Variants in GRIK1 observed in about 807,000 individuals in gnomAD.
GRIK1 encodes the protein glutamate ionotropic receptor kainate type subunit 1.
A neutral mutation model predicts 105.7 loss-of-function variants in GRIK1; 69 were observed. That is an observed-to-expected ratio of 0.65 (90% CI 0.54 to 0.80). The LOEUF (loss-of-function observed/expected upper bound fraction) is 0.80, where lower values mean the gene tolerates loss of function less well. Ranked by LOEUF, GRIK1 falls within the 30% of genes least tolerant of loss-of-function variation. The probability of loss-of-function intolerance (pLI) is 0.00; values close to 1 mark genes in which losing one functional copy is unlikely to be tolerated. For missense variants in GRIK1, 1,109 were observed against 1,167.3 expected (o/e 0.95, Z 0.73); for synonymous variants, 438 against 431.3 (o/e 1.02, Z -0.19).
intron 1 of GRIK1, among the ~76,000 whole-genome samples, chr21:29,791,537 A>C (rs1011875800): frequency 1.3e-5 from 2 of 152,180 alleles, no homozygotes; most frequent in Non-Finnish European, 2.9e-5. Context: ...AGTATAGTTT[A>C]GGTAGTTCAA....
chr21:29,892,641 G>A (rs150658644), intron 1 of GRIK1, among the ~76,000 whole-genome samples: 60 of 152,260 alleles, frequency 3.9e-4, no homozygotes, highest in African/African-American at 1.4e-3. Context: ...ATGAAGAAAC[G>A]CTATTGGGAC....
chr21:29,800,881 A>C (rs1037744036), intron 1 of GRIK1, among the ~76,000 whole-genome samples: 1 of 152,172 alleles, frequency 6.6e-6, no homozygotes, highest in Non-Finnish European at 1.5e-5. Context: ...TGAGTGCCTG[A>C]GGACAGGGTG....
intron 1 of GRIK1, among the ~76,000 whole-genome samples, chr21:29,790,411 T>A (rs1318787568): frequency 6.6e-6 from 1 of 152,028 alleles, no homozygotes. Context: ...ATGATACAGG[T>A]TAAGATGTTA....
At chr21:29,706,684 A>G (rs943884086) in intron 1 of GRIK1, among the ~76,000 whole-genome samples, 1 of 152,260 alleles carries the variant, frequency 6.6e-6, no homozygotes, top group African/African-American at 2.4e-5. Flanking sequence ...TGGTTGATTG[A>G]AAATAAAGGA....
intron 1 of GRIK1, among the ~76,000 whole-genome samples, chr21:29,891,426 A>G (rs2069894266): frequency 6.6e-6 from 1 of 152,208 alleles, no homozygotes; most frequent in Admixed American, 6.5e-5. Context: ...ATTTCATTCC[A>G]TTATAATCAC....
chr21:29,540,970 ATT>A (rs3054285), intron 16 of GRIK1, among the ~76,000 whole-genome samples: 66,231 of 134,408 alleles, frequency 0.49, 16,797 homozygotes, highest in East Asian at 0.6. Context: ...CTTGCACTTG[ATT>A]TTTTTTTTTT....
intron 9 of GRIK1, among the ~76,000 whole-genome samples, chr21:29,592,260 G>A (rs183234086): frequency 2.0e-5 from 3 of 152,226 alleles, no homozygotes; most frequent in Admixed American, 2.0e-4. Flanking sequence ...TGTCTTGTCT[G>A]TCCACTTGAT....
intron 3 of GRIK1, among the ~76,000 whole-genome samples, chr21:29,676,563 C>T (rs2063271004): frequency 6.6e-6 from 1 of 152,176 alleles, no homozygotes. Context: ...CAACACCTAG[C>T]TTTGCTAATC....
At chr21:29,624,676 T>C (rs543153026) in intron 7 of GRIK1, among the ~76,000 whole-genome samples, 1 of 152,366 alleles carries the variant, frequency 6.6e-6, no homozygotes, top group African/African-American at 2.4e-5. Context: ...AAGCTGCACA[T>C]AGAGGAAGTC....
intron 1 of GRIK1, among the ~76,000 whole-genome samples, chr21:29,699,999 A>G (rs2063782718): frequency 6.6e-6 from 1 of 152,164 alleles, no homozygotes; most frequent in Non-Finnish European, 1.5e-5. Context: ...AATAATTTTA[A>G]AGGAACTCAC....
At chr21:29,625,879 A>T (rs1205226413) in intron 7 of GRIK1, among the ~76,000 whole-genome samples, 2 of 152,082 alleles carry the variant, frequency 1.3e-5, no homozygotes, top group East Asian at 3.9e-4. Context: ...AAATGGTTGT[A>T]CCCCTGAAGA....
chr21:29,690,995 T>C (rs149934071), intron 2 of GRIK1, among the ~76,000 whole-genome samples: 5 of 152,316 alleles, frequency 3.3e-5, no homozygotes, highest in South Asian at 2.1e-4. Context: ...GACCATTTCA[T>C]AGGTGTGTCA....
In GRIK1 at chr21:29,692,255, G is replaced by T. The variant is rs188991178; in HGVS notation, c.286+1641C>A. On this transcript the variant is annotated intron_variant, in intron 2 of 17. Transcript: ENST00000327783. Reference sequence around the variant, plus strand: ...AGCTTTCGATTTTTATGTGGCTAGAGTTCCATTGCTAAATGTGGTTGGCTT... The same window carrying T: ...AGCTTTCGATTTTTATGTGGCTAGATTTCCATTGCTAAATGTGGTTGGCTT... 2.9e-3 allele frequency among the ~76,000 whole-genome samples: 449 copies of T among 152,294 alleles called. 5 individuals carry two copies. The highest frequency in any genetic ancestry group is 0.01 in the African/African-American group (430 of 41,566).
intron 15 of GRIK1, among the ~76,000 whole-genome samples, chr21:29,560,338 TC>T (rs2090378756): frequency 5.0e-5 from 6 of 120,140 alleles, no homozygotes; most frequent in African/African-American, 1.7e-4. Context: ...TTTCTTTCTT[TC>T]TTTCTTTCTT....
At chr21:29,877,096 T>C (rs919279803) in intron 1 of GRIK1, among the ~76,000 whole-genome samples, 3 of 152,224 alleles carry the variant, frequency 2.0e-5, no homozygotes, top group Non-Finnish European at 4.4e-5. Flanking sequence ...TAGAAATCTG[T>C]ATCTCCATAT....
rs576576081 is a variant in GRIK1 at position 29,731,493 on chromosome 21, A to T, written c.119-37430T>A. Among the ~76,000 whole-genome samples, 4 of 152,302 alleles carry T rather than the reference A, an allele frequency of 2.6e-5. No individual in the cohort carries two copies. The East Asian group carries it at 7.7e-4, about 29-fold the overall frequency. ...AAATTCTTCAAATAAATGCTTCAAG[A>T]TCTTGATACCACTTGCTTAAAATTT... On this transcript the variant is annotated intron_variant, in intron 1 of 17. Coordinates refer to ENST00000327783, the MANE Select transcript of GRIK1 (RefSeq NM_001330994.2).
At chr21:29,865,865 A>T (rs964015853) in intron 1 of GRIK1, among the ~76,000 whole-genome samples, 2 of 152,238 alleles carry the variant, frequency 1.3e-5, no homozygotes, top group Non-Finnish European at 2.9e-5. Context: ...ATATGTTTGT[A>T]TAAAGATCTT....
intron 1 of GRIK1, among the ~76,000 whole-genome samples, chr21:29,845,999 T>C (rs2068100136): frequency 6.6e-6 from 1 of 152,176 alleles, no homozygotes; most frequent in African/African-American, 2.4e-5. Context: ...TTTGGTTGTA[T>C]GCTGTATGGT....
At chr21:29,666,619 T>C (rs1211269503) in intron 4 of GRIK1, among the ~76,000 whole-genome samples, 2 of 152,152 alleles carry the variant, frequency 1.3e-5, no homozygotes, top group Non-Finnish European at 2.9e-5. Flanking sequence ...AACAAATAAG[T>C]ATTGAATAAA....
Sources: gnomAD v4.1 joint callset for allele counts (sites outside exome capture counted in the v4.1 genomes callset) on GRCh38, gnomAD v4.1.1 for gene constraint, MANE v1.5 for transcripts, NCBI Gene and HGNC (gene_info 2026-07-23, HGNC 2026-07-21) for gene names.